Variants in PAK4 observed in about 807,000 individuals in gnomAD.
The protein encoded by PAK4 is serine/threonine-protein kinase PAK 4.
In PAK4, 49 loss-of-function variants were observed where a neutral mutation model predicts 53.5. That is an observed-to-expected ratio of 0.92 (90% confidence interval 0.73 to 1.16). The LOEUF (loss-of-function observed/expected upper bound fraction) is 1.16. PAK4 is among the 50% of genes most tolerant of loss of function. PAK4 has a pLI of 0.00. For synonymous variants in PAK4, 376 were observed against 375.6 expected (o/e 1.00, Z -0.01); for missense variants, 824 against 850.7 (o/e 0.97, Z 0.39).
chr19:39,174,930 G>A lies in PAK4; in HGVS notation c.1099-1G>A. The stretch of plus-strand genomic sequence containing the variant: ...CCACCACTGACCCAGCCCCTGCACA[G>A]GTGGTAATCATGAGGGACTACCAGC... On this transcript the variant is annotated splice_acceptor_variant, in intron 4 of 8. Coordinates refer to ENST00000358301, the Ensembl canonical transcript of PAK4. LOFTEE classifies it high-confidence loss of function. 6.2e-7 allele frequency: 1 copy of A among 1,613,746 alleles called. No homozygotes were observed. The highest frequency in any genetic ancestry group is 8.5e-7 in the Non-Finnish European group (1 of 1,179,938).
intron 7 of PAK4, 139 bp downstream of exon 8, chr19:39,176,854 G>A (rs1266919370): frequency 2.0e-6 from 2 of 994,184 alleles, no homozygotes; most frequent in Non-Finnish European, 3.0e-6. Context: ...GGTACTGCAG[G>A]CATGCATGTA....
At position 39,135,848 on chromosome 19, in the gene PAK4, C is replaced by T. The variant is rs77603002; in HGVS notation, c.-23+9929C>T. Among the ~76,000 whole-genome samples, 505 of 147,144 alleles carry T rather than the reference C, an allele frequency of 3.4e-3. 1 individual carries two copies. Among genetic ancestry groups the T allele is most frequent in the South Asian group, 0.011 (48 of 4,510 alleles). ...GGAACCCCCATCCCTCGTCTTGTTT[C>T]GGGATTAGGCTTCTCCAAATCTGGC... On this transcript the variant is annotated intron_variant, in intron 1 of 8. Coordinates refer to ENST00000358301, the Ensembl canonical transcript of PAK4.
At position 39,175,036 on chromosome 19, in the gene PAK4, G is replaced by A. The variant is rs756518871; in HGVS notation, c.1204G>A (p.Ala402Thr). The change falls in exon 5 of 9, where the codon GCC (alanine) becomes ACC (threonine). Residue 402 changes from alanine (A) to threonine (T), a missense_variant. By Grantham distance (58) the Ala-to-Thr change is moderately conservative (BLOSUM62 0). Transcript: ENST00000358301. The surrounding 1 kb of genome is among the most constrained non-coding windows in gnomAD (Gnocchi z 4.7). ...GGTCATGGAGTTCCTGGAAGGAGGC[G>A]CCCTCACCGACATCGTCACCCACAC... The A allele has an allele frequency of 8.1e-6, 13 of 1,613,372 alleles. No individual in the cohort carries two copies. Among genetic ancestry groups the A allele is most frequent in the East Asian group, 2.2e-5 (1 of 44,870 alleles).
At chr19:39,160,220 T>C (rs1000508268) in intron 1 of PAK4, among the ~76,000 whole-genome samples, 33 of 152,378 alleles carry the variant, frequency 2.2e-4, no homozygotes, top group African/African-American at 7.7e-4. Flanking sequence ...GACTTGTGTC[T>C]GTCTCGGCCC....
intron 1 of PAK4, among the ~76,000 whole-genome samples, chr19:39,154,546 C>T (rs2074144751): frequency 6.6e-6 from 1 of 152,088 alleles, no homozygotes; most frequent in Admixed American, 6.5e-5. Flanking sequence ...GTCTTTTGAA[C>T]CGTGTGCCTG....
chr19:39,155,616 A>G (rs994624561), intron 1 of PAK4, among the ~76,000 whole-genome samples: 1 of 152,172 alleles, frequency 6.6e-6, no homozygotes, highest in Admixed American at 6.5e-5. Flanking sequence ...TGGAGGTGGG[A>G]TTTGAAGGGG....
chr19:39,134,553 CTG>C (rs1359130982), intron 1 of PAK4, among the ~76,000 whole-genome samples: 2 of 150,412 alleles, frequency 1.3e-5, no homozygotes, highest in South Asian at 2.1e-4. Context: ...TGAGATCCAT[CTG>C]TGTGCTGAGT....
chr19:39,131,428 C>A (rs2073708616), intron 1 of PAK4, among the ~76,000 whole-genome samples: 1 of 152,184 alleles, frequency 6.6e-6, no homozygotes, highest in South Asian at 2.1e-4. Flanking sequence ...TCAGGGGTGT[C>A]CCCAGCAGCT....
chr19:39,173,596 C>T lies in PAK4; in HGVS notation c.684C>T (p.Ala228=), dbSNP rs1353219499. The T allele has an allele frequency of 6.5e-7, 1 of 1,527,810 alleles. No individual in the cohort carries two copies. The highest frequency in any genetic ancestry group is 8.8e-7 in the Non-Finnish European group (1 of 1,139,772). The allele number at this position is 1,527,810 out of a possible 1,614,324, so 94.6% of individuals were successfully genotyped here. The change falls in exon 4 of 9, where the codon GCC becomes GCT. Residue 228 remains alanine, a synonymous_variant. Transcript: ENST00000358301. The surrounding 1 kb of genome is among the most constrained non-coding windows in gnomAD (Gnocchi z 6.9). ...TTCAGGGGGAGCCTCATGACGTGGCCCCTAACGGGCCATCAGCGGGGGGCC... is the reference window on the plus strand; with the variant it reads ...TTCAGGGGGAGCCTCATGACGTGGCTCCTAACGGGCCATCAGCGGGGGGCC...
intron 1 of PAK4, among the ~76,000 whole-genome samples, chr19:39,153,007 T>C (rs1259453330): frequency 6.6e-6 from 1 of 152,194 alleles, no homozygotes; most frequent in East Asian, 1.9e-4. Flanking sequence ...GCGGGGGTTC[T>C]GGAGCCAATC....
chr19:39,146,057 G>T lies in PAK4; in HGVS notation c.-23+20138G>T, dbSNP rs1275443877. 2.6e-5 allele frequency among the ~76,000 whole-genome samples: 4 copies of T among 152,242 alleles called. No individual in the cohort carries two copies. In the East Asian group the frequency reaches 7.7e-4, roughly 29 times the overall value. ...GCAAAGCCTTCGTAGAAGCTAGTGT[G>T]TGGAAGCCTCTTAATGAGCCTTAGC... is the stretch of plus-strand genomic sequence containing the variant. On this transcript the variant is annotated intron_variant, in intron 1 of 8. Coordinates refer to ENST00000358301, the Ensembl canonical transcript of PAK4.
intron 1 of PAK4, among the ~76,000 whole-genome samples, chr19:39,169,251 G>A (rs542063237): frequency 1.3e-5 from 2 of 151,912 alleles, no homozygotes; most frequent in Non-Finnish European, 2.9e-5. Context: ...GGTCTCCAGG[G>A]GGGGTGAGAA....
At chr19:39,168,203 A>AATGG (rs1246612660) in intron 1 of PAK4, 27 bp from the exon 2 acceptor site, 1 of 152,238 alleles carries the variant, frequency 6.6e-6, no homozygotes, top group East Asian at 1.9e-4. Context: ...TGAGTGAGTG[A>AATGG]ATGGATGCAT....
At chr19:39,158,425 G>A (rs1025765055) in intron 1 of PAK4, among the ~76,000 whole-genome samples, 3 of 152,134 alleles carry the variant, frequency 2.0e-5, no homozygotes, top group South Asian at 4.1e-4. Context: ...GAGGGGCAGG[G>A]CCTCTTTCCT....
chr19:39,138,255 G>A (rs1468914518), intron 1 of PAK4, among the ~76,000 whole-genome samples: 2 of 151,782 alleles, frequency 1.3e-5, no homozygotes, highest in Non-Finnish European at 2.9e-5. Flanking sequence ...ATTTCACCAT[G>A]TTGCCCAGGC....
downstream of PAK4, chr19:39,181,169 C>G (rs969266134): frequency 6.6e-6 from 1 of 152,364 alleles, no homozygotes; most frequent in Non-Finnish European, 1.5e-5. Flanking sequence ...GTTTCGAACT[C>G]CTGGCCTCAA....
In PAK4 at chr19:39,131,175, T is replaced by C. The variant is rs151117800; in HGVS notation, c.-23+5256T>C. Among the ~76,000 whole-genome samples the C allele has an allele frequency of 1.0e-3, 153 of 152,148 alleles. 2 individuals are homozygous for C. In the East Asian group the frequency reaches 0.027, roughly 27 times the overall value. ...TGAACCCCAGGCCTTGGGGCTTCAGTGTCACTGATTACTGGGGCTGCCCTC... is the reference window on the plus strand; with the variant it reads ...TGAACCCCAGGCCTTGGGGCTTCAGCGTCACTGATTACTGGGGCTGCCCTC... On this transcript the variant is annotated intron_variant, in intron 1 of 8. Coordinates refer to ENST00000358301, the Ensembl canonical transcript of PAK4.
chr19:39,169,539 C>T (rs690929), exon 2 of PAK4: 16 of 1,610,136 alleles, frequency 9.9e-6, no homozygotes, highest in East Asian at 2.2e-5. Flanking sequence ...CAGGCCGCAC[C>T]GAGTCCCCGG....
rs1398417524 is a variant in PAK4 at position 39,173,207 on chromosome 19, A to G, written c.494A>G (p.Glu165Gly). The G allele has an allele frequency of 6.4e-7, 1 of 1,553,300 alleles. No homozygotes were observed. The highest frequency in any genetic ancestry group is 1.9e-5 in the Admixed American group (1 of 51,634). ...GAGAAGAGGCCCAAGTCTTCCAGGG[A>G]GGGCTCAGGGGGTCCCCAGGAGTCC... The change falls in exon 3 of 9, where the codon GAG becomes GGG. Residue 165 changes from glutamate to glycine, a missense_variant. This residue lies in a region of PAK4 where 478 missense variants were observed against 435.8 expected (regional missense o/e 1.10). Coordinates refer to ENST00000358301, the Ensembl canonical transcript of PAK4. The surrounding 1 kb of genome is among the most constrained non-coding windows in gnomAD (Gnocchi z 6.9).
Sources: allele counts gnomAD v4.1 joint callset (sites outside exome capture counted in the v4.1 genomes callset), GRCh38; gene constraint gnomAD v4.1.1; regional missense constraint gnomAD v4.1.1; non-coding constraint Gnocchi (gnomAD v3.1); transcripts MANE v1.5; gene names NCBI Gene and HGNC (gene_info 2026-07-23, HGNC 2026-07-21).